MAGI3: variants seen among roughly 807,000 people sequenced by gnomAD.
MAGI3 encodes the protein membrane associated guanylate kinase, WW and PDZ domain containing 3, also known as membrane-associated guanylate kinase, WW and PDZ domain-containing protein 3.
MAGI3 carries 43 observed loss-of-function variants against 121.8 expected under a neutral mutation model. That is an observed-to-expected ratio of 0.35 (90% CI 0.28 to 0.46). The LOEUF (loss-of-function observed/expected upper bound fraction) is 0.46. Ranked by LOEUF, MAGI3 falls within the 20% of genes least tolerant of loss-of-function variation. The pLI, the probability that MAGI3 is intolerant of heterozygous loss-of-function variation, is 1.00. For missense variants in MAGI3, 1,547 were observed against 1,797.3 expected (o/e 0.86, Z 2.52); for synonymous variants, 553 against 639.3 (o/e 0.86, Z 2.04).
At chr1:113,632,709 T>C (rs1017879984) in intron 9 of MAGI3, among the ~76,000 whole-genome samples, 1 of 152,216 alleles carries the variant, frequency 6.6e-6, no homozygotes, top group Non-Finnish European at 1.5e-5. Context: ...GTTGAATTTT[T>C]TGTTGCTTGT....
rs1194841762 is a variant in MAGI3 at position 113,425,314 on chromosome 1, G to T, written c.316+33965G>T. The stretch of plus-strand genomic sequence containing the variant: ...TTTTTTTTTTTTGAGACGGAGCCTT[G>T]CTCTGTCGCCCAGGCTAGAGTGCAG... On this transcript the variant is annotated intron_variant, in intron 1 of 20. Transcript: ENST00000307546. Among the ~76,000 whole-genome samples the T allele has an allele frequency of 2.7e-3, 267 of 97,934 alleles. 2 individuals carry two copies. Among genetic ancestry groups the T allele is most frequent in the African/African-American group, 0.011 (259 of 24,204 alleles). 64.2% of individuals were successfully genotyped at this position (97,934 alleles called of 152,430 possible). A position where few individuals can be genotyped will look rare whatever the true frequency, so the allele number is the denominator to read the frequency against.
At chr1:113,631,609 GA>G (rs1433856920) in intron 9 of MAGI3, among the ~76,000 whole-genome samples, 1 of 151,818 alleles carries the variant, frequency 6.6e-6, no homozygotes, top group Non-Finnish European at 1.5e-5. Flanking sequence ...TGATTTTCTT[GA>G]ATTATAAAGG....
chr1:113,521,841 C>T (rs767668183), intron 1 of MAGI3, among the ~76,000 whole-genome samples: 1 of 152,180 alleles, frequency 6.6e-6, no homozygotes, highest in Non-Finnish European at 1.5e-5. Flanking sequence ...ATTCCTGCCT[C>T]TTCTTCTGAA....
chr1:113,647,944 C>G lies in MAGI3; in HGVS notation c.2156-1293C>G, dbSNP rs574061083. Reference sequence around the variant, plus strand: ...CTCTTTTTTTTTTTTTCCCCTGAGACAGAGTCTTGCTCTGTCACCCGGAGC... The same window carrying G: ...CTCTTTTTTTTTTTTTCCCCTGAGAGAGAGTCTTGCTCTGTCACCCGGAGC... On this transcript the variant is annotated intron_variant, in intron 12 of 20. Coordinates refer to ENST00000307546, the MANE Select transcript of MAGI3 (RefSeq NM_001142782.2). Among the ~76,000 whole-genome samples, 39 of 145,804 alleles carry G rather than the reference C, an allele frequency of 2.7e-4. No individual in the cohort carries two copies. The East Asian group carries it at 7.1e-3, about 27-fold the overall frequency.
intron 1 of MAGI3, among the ~76,000 whole-genome samples, chr1:113,477,080 T>C (rs573707065): frequency 3.9e-5 from 6 of 152,180 alleles, no homozygotes; most frequent in African/African-American, 1.2e-4. Flanking sequence ...ATTTGCTTGA[T>C]AGATCTTCCT....
At position 113,642,391 on chromosome 1, in the gene MAGI3, A is replaced by G; in HGVS notation, c.1841A>G (p.Gln614Arg). 1 of 1,614,232 alleles carries G rather than the reference A, an allele frequency of 6.2e-7. No homozygotes were observed. Among genetic ancestry groups the G allele is most frequent in the South Asian group, 1.1e-5 (1 of 91,086 alleles). The change falls in exon 10 of 21, where the codon CAG becomes CGG. Residue 614 changes from glutamine to arginine, a missense_variant. Coordinates refer to ENST00000307546, the MANE Select transcript of MAGI3 (RefSeq NM_001142782.2). The stretch of plus-strand genomic sequence containing the variant: ...GATAGTCAGTGGTGTCAAGGCCTTC[A>G]GAAAGGAGATATAATTAAGGAAATA... The part of the protein sequence containing the change: ...ILDSQWCQGL[Q>R]KGDIIKEIYH...
In MAGI3 at chr1:113,673,329, G is replaced by A. The variant is rs374979534; in HGVS notation, c.3053G>A (p.Gly1018Asp). The A allele has an allele frequency of 6.2e-7, 1 of 1,609,978 alleles. No individual in the cohort carries two copies. The highest frequency in any genetic ancestry group is 8.5e-7 in the Non-Finnish European group (1 of 1,179,172). Residue 1018 changes from glycine (G) to aspartate (D), a missense_variant, in exon 19 of 21, where the codon GGT (glycine) becomes GAT (aspartate). Coordinates refer to ENST00000307546, the MANE Select transcript of MAGI3 (RefSeq NM_001142782.2). ...ATACTTCTTTCTCTCTAGAACCTTG[G>A]TTGTTATCCAGTAGAGCTGGAGAGA... ...VVGSRHNQNL[G>D]CYPVELERGP... is the part of the protein sequence containing the mutation.
At chr1:113,604,498 C>T (rs956219337) in intron 6 of MAGI3, among the ~76,000 whole-genome samples, 30 of 121,426 alleles carry the variant, frequency 2.5e-4, no homozygotes, top group African/African-American at 9.1e-4. Flanking sequence ...ATCCAGGAGG[C>T]GGAGGTTGTG....
intron 9 of MAGI3, among the ~76,000 whole-genome samples, chr1:113,630,622 G>A (rs1169868331): frequency 6.6e-6 from 1 of 152,168 alleles, no homozygotes; most frequent in Non-Finnish European, 1.5e-5. Context: ...TATTACCTGG[G>A]TATTGCTATT....
intron 1 of MAGI3, among the ~76,000 whole-genome samples, chr1:113,483,660 C>T (rs550246464): frequency 3.9e-5 from 6 of 152,178 alleles, no homozygotes; most frequent in Admixed American, 2.0e-4. Flanking sequence ...ATAAAAGTAC[C>T]GGTGCCTCAA....
At chr1:113,547,131 T>G (rs923727194) in intron 1 of MAGI3, among the ~76,000 whole-genome samples, 2 of 151,902 alleles carry the variant, frequency 1.3e-5, no homozygotes, top group African/African-American at 4.8e-5. Context: ...TATTTTGCCT[T>G]AAGAGACCCA....
intron 16 of MAGI3, among the ~76,000 whole-genome samples, chr1:113,666,108 T>C (rs1654030977): frequency 6.6e-6 from 1 of 152,200 alleles, no homozygotes; most frequent in Admixed American, 6.6e-5. Flanking sequence ...GTCTTAATCT[T>C]TATGCTGATG....
At position 113,683,808 on chromosome 1, in the gene MAGI3, G is replaced by A; in HGVS notation, c.4240G>A (p.Glu1414Lys). 1 of 1,610,056 alleles carries A rather than the reference G, an allele frequency of 6.2e-7. No individual in the cohort carries two copies. The highest frequency in any genetic ancestry group is 8.5e-7 in the Non-Finnish European group (1 of 1,178,012). Residue 1414 changes from glutamate (E) to lysine (K), a missense_variant, in exon 21 of 21, where the codon GAA becomes AAA. Transcript: ENST00000307546. ...VQLSEKRLKQ[E>K]PEEKVVSNKT... ...GCTATCAGAAAAGAGGCTGAAGCAA[G>A]AACCTGAAGAGAAGGTAGTTTCAAA...
chr1:113,437,256 C>T (rs1423118646), intron 1 of MAGI3, among the ~76,000 whole-genome samples: 2 of 152,020 alleles, frequency 1.3e-5, no homozygotes, highest in Non-Finnish European at 2.9e-5. Context: ...CCCCTTCCCC[C>T]TCCAAAACAG....
intron 1 of MAGI3, among the ~76,000 whole-genome samples, chr1:113,512,286 A>T (rs569712554): frequency 1.3e-5 from 2 of 152,338 alleles, no homozygotes; most frequent in South Asian, 4.1e-4. Context: ...TATAATGTTT[A>T]GACCTCTCTT....
intron 1 of MAGI3, among the ~76,000 whole-genome samples, chr1:113,393,141 A>G (rs963645659): frequency 1.3e-5 from 2 of 152,138 alleles, no homozygotes; most frequent in East Asian, 1.9e-4. Context: ...ATTTTTCTCA[A>G]CCTCTATATT....
intron 18 of MAGI3, among the ~76,000 whole-genome samples, chr1:113,672,997 A>T (rs1378192847): frequency 1.3e-5 from 2 of 152,228 alleles, no homozygotes; most frequent in Non-Finnish European, 2.9e-5. Context: ...AGATAATCAA[A>T]TTCAGGTTTT....
intron 1 of MAGI3, among the ~76,000 whole-genome samples, chr1:113,507,173 GA>G (rs952058160): frequency 6.6e-6 from 1 of 151,818 alleles, no homozygotes; most frequent in African/African-American, 2.4e-5. Context: ...GAGAGAGAGA[GA>G]AAAAATAATT....
At chr1:113,643,122 C>A (rs1454590048) in intron 10 of MAGI3, among the ~76,000 whole-genome samples, 6 of 152,192 alleles carry the variant, frequency 3.9e-5, no homozygotes, top group Non-Finnish European at 8.8e-5. Context: ...CTGACATGAA[C>A]TCCTCCCAGA....
Sources: allele counts gnomAD v4.1 joint callset (sites outside exome capture counted in the v4.1 genomes callset), GRCh38; gene constraint gnomAD v4.1.1; transcripts MANE v1.5; gene names NCBI Gene and HGNC (gene_info 2026-07-23, HGNC 2026-07-21).